Variants in PRIM2 observed in about 807,000 individuals in gnomAD.
PRIM2 encodes DNA primase subunit 2.
A neutral mutation model predicts 67.3 loss-of-function variants in PRIM2; 39 were observed. That is an observed-to-expected ratio of 0.58 (90% CI 0.45 to 0.76). The LOEUF (loss-of-function observed/expected upper bound fraction) is 0.76. Ranked by LOEUF, PRIM2 falls within the 30% of genes least tolerant of loss-of-function variation. The probability of loss-of-function intolerance (pLI) is 0.00; values close to 1 mark genes in which losing one functional copy is unlikely to be tolerated. For synonymous variants in PRIM2, 143 were observed against 198.7 expected (o/e 0.72, Z 2.36); for missense variants, 398 against 598.7 (o/e 0.66, Z 3.50).
chr6:57,626,901 C>T (rs1776958027), intron 12 of PRIM2, among the ~76,000 whole-genome samples: 1 of 152,068 alleles, frequency 6.6e-6, no homozygotes, highest in South Asian at 2.1e-4. Context: ...GCTGGGATTA[C>T]AGGTGTGAGC....
chr6:57,226,849 TAA>T, the PRIM2 span, among the ~76,000 whole-genome samples: 2 of 152,198 alleles, frequency 1.3e-5, no homozygotes, highest in Non-Finnish European at 2.9e-5. Context: ...AGACGGAATG[TAA>T]AGAGTGACTT....
chr6:57,646,040 C>T lies in PRIM2; in HGVS notation c.1412C>T (p.Pro471Leu). The T allele has an allele frequency of 6.2e-7, 1 of 1,604,270 alleles. No individual in the cohort carries two copies. Among genetic ancestry groups the T allele is most frequent in the Non-Finnish European group, 8.5e-7 (1 of 1,171,046 alleles). ...IKKEPIQPET[P>L]QPKPSVQKTK... is the part of the protein sequence containing the mutation. ...AAGGAACCTATCCAACCAGAAACTC[C>T]TCAACCCAAACCAAGTGTCCAGAAA... is the stretch of plus-strand genomic sequence containing the variant. The change falls in exon 14 of 14, where the codon CCT becomes CTT. Residue 471 changes from proline to leucine, a missense_variant. Coordinates refer to ENST00000615550, the MANE Select transcript of PRIM2 (RefSeq NM_000947.5).
chr6:57,507,619 C>T (rs1444063766), intron 8 of PRIM2, among the ~76,000 whole-genome samples, 165 bp downstream of exon 8: 2 of 152,066 alleles, frequency 1.3e-5, no homozygotes, highest in African/African-American at 2.4e-5. Context: ...GTACTTGTTA[C>T]CCTTACTTTA....
At chr6:57,226,213 A>G in the PRIM2 span, among the ~76,000 whole-genome samples, 3 of 152,212 alleles carry the variant, frequency 2.0e-5, no homozygotes, top group African/African-American at 7.2e-5. Context: ...ATACACAAAT[A>G]AGTGATTACA....
chr6:57,453,533 A>C (rs1772636151), intron 7 of PRIM2, among the ~76,000 whole-genome samples: 1 of 151,940 alleles, frequency 6.6e-6, no homozygotes, highest in African/African-American at 2.4e-5. Context: ...TAGGTATTTT[A>C]TTCTCTTTGA....
At chr6:57,228,268 C>T in the PRIM2 span, among the ~76,000 whole-genome samples, 1 of 151,968 alleles carries the variant, frequency 6.6e-6, no homozygotes, top group Admixed American at 6.5e-5. Flanking sequence ...ATGAAAATAA[C>T]ATTGTTGTAG....
chr6:57,502,606 G>A lies in PRIM2; in HGVS notation c.694-4781G>A, dbSNP rs1581957048. On this transcript the variant is annotated intron_variant, in intron 7 of 13. Transcript: ENST00000615550. ...ACTCCTCCTATAGCTTATTAAATAT[G>A]TGTATTTGGCTACCCTGTTCAGCAT... Among the ~76,000 whole-genome samples the A allele has an allele frequency of 2.6e-5, 4 of 152,236 alleles. No homozygotes were observed. The South Asian group carries it at 8.3e-4, about 32-fold the overall frequency.
the PRIM2 span, among the ~76,000 whole-genome samples, chr6:57,252,532 C>T: frequency 6.6e-6 from 1 of 152,184 alleles, no homozygotes; most frequent in South Asian, 2.1e-4. Context: ...CCTCTGCCTC[C>T]CGGGTTCAAG....
the PRIM2 span, among the ~76,000 whole-genome samples, chr6:57,290,398 T>A: frequency 6.6e-6 from 1 of 152,128 alleles, no homozygotes; most frequent in East Asian, 1.9e-4. Flanking sequence ...TCGCACACAA[T>A]AATCATGGTA....
intron 10 of PRIM2, among the ~76,000 whole-genome samples, chr6:57,545,932 G>C (rs1775281380): frequency 1.3e-5 from 2 of 152,168 alleles, no homozygotes; most frequent in Non-Finnish European, 2.9e-5. Flanking sequence ...GGAGTCTGGA[G>C]ACATAGATCT....
intron 13 of PRIM2, among the ~76,000 whole-genome samples, chr6:57,635,190 A>G (rs1216332857): frequency 6.6e-6 from 1 of 152,120 alleles, no homozygotes. Flanking sequence ...CTGCCTCATT[A>G]TAAGCTGTCA....
upstream of PRIM2, chr6:57,314,747 G>A (rs1767448077): frequency 6.6e-6 from 1 of 152,210 alleles, no homozygotes; most frequent in South Asian, 2.1e-4. Context: ...TGCCAGGGCT[G>A]AGCATTGTGT....
the PRIM2 span, among the ~76,000 whole-genome samples, chr6:57,272,131 A>T: frequency 6.6e-6 from 1 of 152,168 alleles, no homozygotes; most frequent in African/African-American, 2.4e-5. Context: ...AGTTCTGTAG[A>T]TGTCTATTAG....
intron 7 of PRIM2, among the ~76,000 whole-genome samples, chr6:57,448,260 A>G (rs1434709997): frequency 1.3e-5 from 2 of 152,132 alleles, no homozygotes; most frequent in Non-Finnish European, 2.9e-5. Flanking sequence ...TTAATTTTCA[A>G]ATCAGCAAGG....
chr6:57,364,684 C>T (rs1204642342), intron 5 of PRIM2, among the ~76,000 whole-genome samples: 3 of 151,976 alleles, frequency 2.0e-5, no homozygotes, highest in Admixed American at 6.6e-5. Flanking sequence ...TTGCAAGAGT[C>T]TTCCGCTTGG....
At chr6:57,317,068 C>T (rs1306818296), upstream of PRIM2, among the ~76,000 whole-genome samples, 1 of 152,168 alleles carries the variant, frequency 6.6e-6, no homozygotes, top group Non-Finnish European at 1.5e-5. Flanking sequence ...TGTATGTAGA[C>T]GGGCAAACTA....
the PRIM2 span, among the ~76,000 whole-genome samples, chr6:57,249,510 G>A: frequency 6.6e-6 from 1 of 152,196 alleles, no homozygotes; most frequent in African/African-American, 2.4e-5. Context: ...GGGAGGCTGA[G>A]GCAGGTGGAT....
intron 10 of PRIM2, among the ~76,000 whole-genome samples, chr6:57,590,205 C>T (rs1776261253): frequency 6.6e-6 from 1 of 150,542 alleles, no homozygotes; most frequent in African/African-American, 2.4e-5. Flanking sequence ...CCACCAGATA[C>T]CCAAAAAGCA....
intron 13 of PRIM2, among the ~76,000 whole-genome samples, chr6:57,642,435 C>CTTTTT (rs1156576933): frequency 0.04 from 3,340 of 82,980 alleles, 300 homozygotes; most frequent in East Asian, 0.095. Flanking sequence ...AATATTATAT[C>CTTTTT]TTTTTTTTTT....
Sources: allele counts gnomAD v4.1 joint callset (sites outside exome capture counted in the v4.1 genomes callset), GRCh38; gene constraint gnomAD v4.1.1; transcripts MANE v1.5; gene names NCBI Gene and HGNC (gene_info 2026-07-23, HGNC 2026-07-21).